The following COL28A1 variants were observed in gnomAD, a reference collection of about 807,000 sequenced individuals.
The protein encoded by COL28A1 is collagen type XXVIII alpha 1 chain, also known as collagen alpha-1(XXVIII) chain.
Under a neutral mutation model 150.2 loss-of-function variants are expected in COL28A1, and 161 were observed. The observed-to-expected ratio is 1.07, with a 90% CI of 0.94 to 1.22. The LOEUF (loss-of-function observed/expected upper bound fraction) is 1.22. Ranked by LOEUF, COL28A1 falls within the 50% of genes most tolerant of loss-of-function variation. The pLI is 0.00. For missense variants in COL28A1, 1,617 were observed against 1,388.3 expected (o/e 1.16, Z -2.62); for synonymous variants, 552 against 469.7 (o/e 1.18, Z -2.26).
intron 15 of COL28A1, among the ~76,000 whole-genome samples, chr7:7,474,077 A>ATG (rs1788676681): frequency 6.7e-6 from 1 of 148,206 alleles, no homozygotes; most frequent in South Asian, 2.1e-4. Flanking sequence ...TGGAATATAT[A>ATG]TATATATATA....
chr7:7,415,513 T>C (rs1013512895), intron 27 of COL28A1, among the ~76,000 whole-genome samples: 1 of 152,166 alleles, frequency 6.6e-6, no homozygotes, highest in Non-Finnish European at 1.5e-5. Flanking sequence ...CAATCCAATA[T>C]GTCTAAAGAG....
chr7:7,499,456 T>C (rs1780400964), intron 11 of COL28A1, among the ~76,000 whole-genome samples: 1 of 152,196 alleles, frequency 6.6e-6, no homozygotes, highest in Admixed American at 6.5e-5. Context: ...AATACAGTCA[T>C]TCTGTTAAGA....
intron 25 of COL28A1, among the ~76,000 whole-genome samples, chr7:7,424,898 C>T (rs958950437): frequency 4.6e-5 from 7 of 152,078 alleles, no homozygotes; most frequent in Admixed American, 2.0e-4. Context: ...AGACCATAAC[C>T]TTGCAGAGTG....
At chr7:7,522,047 A>G in intron 4 of COL28A1, 86 bp from the exon 5 acceptor site, 1 of 786,486 alleles carries the variant, frequency 1.3e-6, no homozygotes, top group Non-Finnish European at 2.3e-6. Context: ...AATACATTTC[A>G]AAGTGTATTT....
chr7:7,460,864 C>CA (rs892030831), intron 15 of COL28A1, among the ~76,000 whole-genome samples: 1 of 152,178 alleles, frequency 6.6e-6, no homozygotes, highest in African/African-American at 2.4e-5. Flanking sequence ...CATAATAACA[C>CA]ACCTTGCATA....
rs550272276 is a variant in COL28A1 at position 7,362,528 on chromosome 7, A to C, written c.3067-2000T>G. On this transcript the variant is annotated intron_variant, in intron 33 of 34. Transcript: ENST00000399429. Reference sequence around the variant, plus strand: ...GTGTGCATGCATACATACACACACAAGAGGGAAAAAGTAATTAGTACTATT... The same window carrying C: ...GTGTGCATGCATACATACACACACACGAGGGAAAAAGTAATTAGTACTATT... Among the ~76,000 whole-genome samples, 13 of 152,310 alleles carry C rather than the reference A, an allele frequency of 8.5e-5. No homozygotes were observed. The East Asian group carries it at 2.1e-3, about 25-fold the overall frequency.
At chr7:7,378,782 G>C (rs1374532049) in intron 30 of COL28A1, among the ~76,000 whole-genome samples, 1 of 152,188 alleles carries the variant, frequency 6.6e-6, no homozygotes, top group Non-Finnish European at 1.5e-5. Flanking sequence ...TGGAGATACT[G>C]TCTACCTCAT....
intron 23 of COL28A1, among the ~76,000 whole-genome samples, chr7:7,433,217 A>T (rs1327506732): frequency 6.6e-6 from 1 of 152,192 alleles, no homozygotes; most frequent in Non-Finnish European, 1.5e-5. Flanking sequence ...GGGAGGGGTG[A>T]TTATTGTCCT....
At chr7:7,471,957 G>C (rs1788468295) in intron 15 of COL28A1, among the ~76,000 whole-genome samples, 1 of 152,122 alleles carries the variant, frequency 6.6e-6, no homozygotes, top group African/African-American at 2.4e-5. Context: ...AAGAGCATTT[G>C]ACAAAATCCA....
At chr7:7,442,736 C>G (rs1258451990) in intron 20 of COL28A1, among the ~76,000 whole-genome samples, 1 of 152,010 alleles carries the variant, frequency 6.6e-6, no homozygotes, top group Non-Finnish European at 1.5e-5. Flanking sequence ...TTGATAACTA[C>G]ACATAAAAAT....
intron 27 of COL28A1, among the ~76,000 whole-genome samples, chr7:7,395,487 T>C (rs1192895969): frequency 6.6e-6 from 1 of 152,224 alleles, no homozygotes; most frequent in Non-Finnish European, 1.5e-5. Context: ...CCAATAATAA[T>C]GGCCAGCATT....
chr7:7,458,246 A>G (rs1260702264), intron 15 of COL28A1, among the ~76,000 whole-genome samples: 1 of 152,076 alleles, frequency 6.6e-6, no homozygotes, highest in African/African-American at 2.4e-5. Context: ...GAGAAACCCC[A>G]TTTCTACTAA....
At chr7:7,430,598 TAC>T (rs998982057) in intron 25 of COL28A1, among the ~76,000 whole-genome samples, 2 of 152,232 alleles carry the variant, frequency 1.3e-5, no homozygotes, top group African/African-American at 4.8e-5. Flanking sequence ...TCCATTGGAA[TAC>T]ACATATTCTA....
intron 19 of COL28A1, 64 bp downstream of exon 19, chr7:7,444,354 A>G: frequency 1.2e-6 from 2 of 1,601,200 alleles, no homozygotes; most frequent in Non-Finnish European, 1.7e-6. Context: ...GAGCTCCTGC[A>G]GGACCAAGAT....
chr7:7,524,147 T>C (rs1356295303), intron 4 of COL28A1, 82 bp downstream of exon 4: 1 of 830,152 alleles, frequency 1.2e-6, no homozygotes, highest in Non-Finnish European at 2.1e-6. Flanking sequence ...TCACACTTAA[T>C]CTTCTAATGT....
At chr7:7,438,000 G>A (rs770682993) in intron 21 of COL28A1, among the ~76,000 whole-genome samples, 40 of 151,912 alleles carry the variant, frequency 2.6e-4, no homozygotes, top group Non-Finnish European at 4.7e-4. Flanking sequence ...TTGGGAGGCC[G>A]AGGCTGGCGG....
chr7:7,392,229 AC>A (rs1782587624), intron 27 of COL28A1, among the ~76,000 whole-genome samples: 1 of 152,158 alleles, frequency 6.6e-6, no homozygotes, highest in Non-Finnish European at 1.5e-5. Context: ...TTTCTCCTTC[AC>A]TTGTGAAGCT....
downstream of COL28A1, among the ~76,000 whole-genome samples, chr7:7,352,998 G>A (rs189419223): frequency 6.6e-6 from 1 of 152,284 alleles, no homozygotes; most frequent in Non-Finnish European, 1.5e-5. Flanking sequence ...GCCTGGGGCT[G>A]AGTCACTGTA....
At chr7:7,400,979 T>TGTGTGTGTGTGG (rs1783155047) in intron 27 of COL28A1, among the ~76,000 whole-genome samples, 1 of 84,602 alleles carries the variant, frequency 1.2e-5, no homozygotes, top group African/African-American at 6.3e-5. Context: ...TATTTGGGTG[T>TGTGTGTGTGTGG]GTGTGTGTGT....
Sources: gnomAD v4.1 joint callset for allele counts (sites outside exome capture counted in the v4.1 genomes callset) on GRCh38, gnomAD v4.1.1 for gene constraint, MANE v1.5 for transcripts, NCBI Gene and HGNC (gene_info 2026-07-23, HGNC 2026-07-21) for gene names.